Variants in ZNF326 observed in about 807,000 individuals in gnomAD.
ZNF326 encodes the protein DBIRD complex subunit ZNF326.
ZNF326 carries 30 observed loss-of-function variants against 63.1 expected under a neutral mutation model. The ratio of observed to expected loss-of-function variants is 0.48; its 90% CI spans 0.36 to 0.64. The LOEUF is 0.64. Ranked by LOEUF, ZNF326 falls within the 30% of genes least tolerant of loss-of-function variation. The pLI, the probability that ZNF326 is intolerant of heterozygous loss-of-function variation, is 0.00. For missense variants in ZNF326, 609 were observed against 720.3 expected, an observed-to-expected ratio of 0.85 and a Z score of 1.77; for synonymous variants, 194 against 228.2, an observed-to-expected ratio of 0.85 and a Z score of 1.35.
At chr1:90,021,759 C>T (rs896800010) in intron 10 of ZNF326, among the ~76,000 whole-genome samples, 2 of 152,086 alleles carry the variant, frequency 1.3e-5, no homozygotes, top group Non-Finnish European at 2.9e-5. Context: ...CATTTTTGAA[C>T]ACATACAATC....
At position 90,010,159 on chromosome 1, in the gene ZNF326, G is replaced by A; in HGVS notation, c.687G>A (p.Val229=). The A allele has an allele frequency of 6.2e-7, 1 of 1,613,854 alleles. No individual in the cohort carries two copies. The highest frequency in any genetic ancestry group is 8.5e-7 in the Non-Finnish European group (1 of 1,179,850). Residue 229 remains valine, a synonymous_variant, in exon 6 of 12, where the codon GTG becomes GTA. Transcript: ENST00000340281. ...VVDYQNKSTN[V]TVAAARGIKR... ...ACTATCAAAACAAATCCACCAATGT[G>A]ACAGTTGCTGCTGCAAGAGGAATAA...
chr1:89,999,513 T>C (rs760430856), intron 2 of ZNF326, among the ~76,000 whole-genome samples: 4 of 152,210 alleles, frequency 2.6e-5, no homozygotes, highest in Non-Finnish European at 4.4e-5. Flanking sequence ...AGATCTAATA[T>C]GACTTTTATT....
Position 89,995,995 on chromosome 1 carries a change from C to T in ZNF326, c.16+722C>T, listed in dbSNP as rs113997948. Among the ~76,000 whole-genome samples the T allele has an allele frequency of 8.7e-3, 1,326 of 152,288 alleles. 21 individuals are homozygous for T. Among genetic ancestry groups the T allele is most frequent in the African/African-American group, 0.031 (1,280 of 41,556 alleles). ...TTTGGCACAGCAAGCATCAAATGTC[C>T]TTCACATTTAGACCTGTACACAGCC... is the stretch of plus-strand genomic sequence containing the variant. On this transcript the variant is annotated intron_variant, in intron 1 of 11. Coordinates refer to ENST00000340281, the MANE Select transcript of ZNF326 (RefSeq NM_182976.4).
At chr1:90,020,731 A>T in intron 9 of ZNF326, 61 bp from the exon 10 acceptor site, 2 of 1,533,914 alleles carry the variant, frequency 1.3e-6, no homozygotes, top group Non-Finnish European at 8.8e-7. Flanking sequence ...AAGTAGTAAA[A>T]ACTTCATTGG....
rs956858590 is a variant in ZNF326 at position 90,030,108 on chromosome 1, A to G, written c.*2407A>G. ...TGTTTCAGCTCCATGCCTAGGGACT[A>G]TCCTGTATTATTCGCTTTTTATCAC... On this transcript the variant is annotated 3_prime_UTR_variant, in exon 12 of 12. Transcript: ENST00000340281. 6.6e-6 allele frequency: 1 copy of G among 152,234 alleles called. No homozygotes were observed. Among genetic ancestry groups the G allele is most frequent in the South Asian group, 2.1e-4 (1 of 4,836 alleles). 9.4% of individuals were successfully genotyped at this position (152,234 alleles called of 1,614,324 possible).
At chr1:89,995,363 T>G (rs1286585898) in intron 1 of ZNF326, 90 bp downstream of exon 1, 4 of 1,468,480 alleles carry the variant, frequency 2.7e-6, no homozygotes, top group East Asian at 2.9e-5. Context: ...GATGGCCGTG[T>G]GGGCTTTGTT....
Position 90,017,454 on chromosome 1 carries a change from A to G in ZNF326, c.1064A>G (p.Glu355Gly). The change falls in exon 8 of 12, where the codon GAG becomes GGG. Residue 355 changes from glutamate (E) to glycine (G), a missense_variant. By Grantham distance (98) the Glu-to-Gly change is moderately conservative. Coordinates refer to ENST00000340281, the MANE Select transcript of ZNF326 (RefSeq NM_182976.4). The part of the protein sequence containing the change: ...KQTKFDKVVM[E>G]FLHECMVNKF... ...ACTAAATTTGATAAAGTAGTTATGG[A>G]GTTTTTGCATGTGAGTAGCTGTTTT... 2.5e-6 allele frequency: 4 copies of G among 1,584,490 alleles called. No individual in the cohort carries two copies. The South Asian group carries it at 4.8e-5, about 19-fold the overall frequency.
In ZNF326 at chr1:90,029,389, G is replaced by C. The variant is rs1201002224; in HGVS notation, c.*1688G>C. On this transcript the variant is annotated 3_prime_UTR_variant, in exon 12 of 12. Transcript: ENST00000340281. ...GGATTTGGTGCCAAATAAGAGAAGGGTAGTTGAAGACTAGATAAATTTGGA... is the reference window on the plus strand; with the variant it reads ...GGATTTGGTGCCAAATAAGAGAAGGCTAGTTGAAGACTAGATAAATTTGGA... The C allele has an allele frequency of 6.6e-6, 1 of 152,008 alleles. No homozygotes were observed. The highest frequency in any genetic ancestry group is 1.5e-5 in the Non-Finnish European group (1 of 68,008). The allele number at this position is 152,008 out of a possible 1,614,324, so 9.4% of individuals were successfully genotyped here.
chr1:90,018,763 A>T lies in ZNF326; in HGVS notation c.1153A>T (p.Ile385Phe). 6.5e-7 allele frequency: 1 copy of T among 1,548,816 alleles called. No homozygotes were observed. The highest frequency in any genetic ancestry group is 8.8e-7 in the Non-Finnish European group (1 of 1,139,410). Residue 385 changes from isoleucine (I) to phenylalanine (F), a missense_variant, in exon 9 of 12, where the codon ATT becomes TTT. Ile to Phe is a conservative substitution (Grantham distance 21). Around this residue, in one of 3 missense-constraint regions of ZNF326, gnomAD observed 399 missense variants for 444.3 expected, o/e 0.90. Transcript: ENST00000340281. ...TNNQTEVVKI[I>F]EKDVMEGVTV... ...TAATCAAACAGAAGTAGTTAAAATA[A>T]TTGAAAAAGATGTTATGGAAGGTAA...
At chr1:89,996,094 C>A (rs1261492431) in intron 1 of ZNF326, among the ~76,000 whole-genome samples, 2 of 152,176 alleles carry the variant, frequency 1.3e-5, no homozygotes, top group Non-Finnish European at 2.9e-5. Context: ...GATACTAATT[C>A]TTTAAACCAC....
At chr1:90,006,076 G>A in intron 4 of ZNF326, 1 of 985,378 alleles carries the variant, frequency 1.0e-6, no homozygotes, top group Non-Finnish European at 1.2e-6. Flanking sequence ...TAAATTGAAG[G>A]ATCCGGATTC....
intron 2 of ZNF326, among the ~76,000 whole-genome samples, chr1:90,001,455 T>C (rs1436383720): frequency 1.3e-5 from 2 of 152,174 alleles, no homozygotes; most frequent in Non-Finnish European, 2.9e-5. Context: ...GATGTTGGTA[T>C]CTTGTAGTAG....
intron 1 of ZNF326, among the ~76,000 whole-genome samples, chr1:89,996,318 A>T (rs1648371616): frequency 1.3e-5 from 2 of 152,314 alleles, no homozygotes; most frequent in Non-Finnish European, 1.5e-5. Flanking sequence ...AACCCCACCA[A>T]AAAAATGATC....
intron 1 of ZNF326, among the ~76,000 whole-genome samples, chr1:89,995,802 A>G (rs1308076133): frequency 1.3e-5 from 2 of 152,256 alleles, no homozygotes; most frequent in Admixed American, 6.5e-5. Context: ...AGTGATATGT[A>G]TAGATAAATA....
At position 90,030,153 on chromosome 1, in the gene ZNF326, A is replaced by G. The variant is rs1039768524; in HGVS notation, c.*2452A>G. The G allele has an allele frequency of 6.6e-6, 1 of 152,214 alleles. No homozygotes were observed. The highest frequency in any genetic ancestry group is 2.4e-5 in the African/African-American group (1 of 41,452). The allele number at this position is 152,214 out of a possible 1,614,324, so 9.4% of individuals were successfully genotyped here. On this transcript the variant is annotated 3_prime_UTR_variant, in exon 12 of 12. Coordinates refer to ENST00000340281, the MANE Select transcript of ZNF326 (RefSeq NM_182976.4). ...TATCACTTTCTACCTACAGTCTACC[A>G]AAAAGTCTGTCTGTTCTACTTCCAA...
intron 5 of ZNF326, among the ~76,000 whole-genome samples, chr1:90,008,599 T>C (rs1208412197): frequency 6.6e-6 from 1 of 152,204 alleles, no homozygotes; most frequent in East Asian, 1.9e-4. Flanking sequence ...GGGGTTATTA[T>C]ATAGTTTGAT....
chr1:90,020,970 CTTTT>C, intron 10 of ZNF326, 48 bp downstream of exon 10: 3 of 1,593,560 alleles, frequency 1.9e-6, no homozygotes, highest in Non-Finnish European at 2.6e-6. Flanking sequence ...ATCCATCAAT[CTTTT>C]ATTGTTCTTT....
intron 2 of ZNF326, among the ~76,000 whole-genome samples, chr1:90,001,294 G>A (rs902005857): frequency 1.3e-5 from 2 of 152,180 alleles, no homozygotes; most frequent in East Asian, 1.9e-4. Context: ...TGGAATAAGA[G>A]GAACCCATTG....
intron 11 of ZNF326, among the ~76,000 whole-genome samples, chr1:90,022,764 T>G (rs983059043): frequency 2.6e-5 from 4 of 152,222 alleles, no homozygotes; most frequent in Non-Finnish European, 5.9e-5. Flanking sequence ...TCTCCTAGTT[T>G]ACCACATGGC....
Sources: gnomAD v4.1 joint callset for allele counts (sites outside exome capture counted in the v4.1 genomes callset) on GRCh38, gnomAD v4.1.1 for gene constraint, gnomAD v4.1.1 regional missense constraint, MANE v1.5 for transcripts, NCBI Gene and HGNC (gene_info 2026-07-23, HGNC 2026-07-21) for gene names.